Variants in CSMD1 observed in about 807,000 individuals in gnomAD.
CSMD1 encodes the protein CUB and sushi domain-containing protein 1.
A neutral mutation model predicts 417.5 loss-of-function variants in CSMD1; 213 were observed. That is an observed-to-expected ratio of 0.51 (90% CI 0.46 to 0.57). The LOEUF is 0.57. Among genes scored for constraint, CSMD1 ranks in the 20% least tolerant of loss-of-function variants. The probability of loss-of-function intolerance (pLI) is 0.00; values close to 1 mark genes in which losing one functional copy is unlikely to be tolerated. For synonymous variants in CSMD1, 2,862 were observed against 1,736.8 expected (o/e 1.65, Z -16.11); for missense variants, 6,923 against 4,529.7 (o/e 1.53, Z -15.17).
chr8:3,182,648 A>G (rs1585580431), intron 36 of CSMD1, among the ~76,000 whole-genome samples: 22 of 46,774 alleles, frequency 4.7e-4, no homozygotes, highest in South Asian at 6.9e-4. Flanking sequence ...TTAGTAGAGA[A>G]GGGGGACTCT....
intron 2 of CSMD1, among the ~76,000 whole-genome samples, chr8:4,452,903 G>A (rs575140740): frequency 1.8e-4 from 28 of 152,292 alleles, no homozygotes; most frequent in African/African-American, 6.3e-4. Context: ...GAGAAGCAAC[G>A]ATGGGCACAG....
chr8:4,819,190 T>G (rs1196402409), intron 1 of CSMD1, among the ~76,000 whole-genome samples: 1 of 152,166 alleles, frequency 6.6e-6, no homozygotes, highest in Non-Finnish European at 1.5e-5. Flanking sequence ...CACATTCAAT[T>G]TTTTTGACAG....
At chr8:3,521,033 T>C (rs1438063086) in intron 10 of CSMD1, among the ~76,000 whole-genome samples, 2 of 152,166 alleles carry the variant, frequency 1.3e-5, no homozygotes, top group Non-Finnish European at 2.9e-5. Context: ...TCTTCACCTG[T>C]CACCCCTAGA....
intron 37 of CSMD1, among the ~76,000 whole-genome samples, chr8:3,164,727 T>TGAC (rs532398414): frequency 5.6e-4 from 85 of 152,238 alleles, no homozygotes; most frequent in African/African-American, 1.9e-3. Context: ...ACACACCAGG[T>TGAC]GACACAGAAC....
chr8:4,898,591 T>C (rs1166230427), intron 1 of CSMD1, among the ~76,000 whole-genome samples: 1 of 152,214 alleles, frequency 6.6e-6, no homozygotes, highest in Non-Finnish European at 1.5e-5. Flanking sequence ...ATCCTAGTTC[T>C]TTGAATGGCT....
chr8:3,168,630 AT>A (rs2129042876), intron 37 of CSMD1, among the ~76,000 whole-genome samples: 1 of 101,526 alleles, frequency 9.8e-6, no homozygotes, highest in African/African-American at 4.5e-5. Context: ...GTAAGTCTTC[AT>A]CACACACACA....
chr8:3,162,227 T>G lies in CSMD1; in HGVS notation c.5776A>C (p.Lys1926Gln). 3.7e-6 allele frequency: 6 copies of G among 1,611,726 alleles called. No homozygotes were observed. The highest frequency in any genetic ancestry group is 5.1e-6 in the Non-Finnish European group (6 of 1,179,012). Residue 1926 changes from lysine (K) to glutamine (Q), a missense_variant, in exon 38 of 70, where the codon AAA becomes CAA. Coordinates refer to ENST00000635120, the MANE Select transcript of CSMD1 (RefSeq NM_033225.6). Reference sequence around the variant, plus strand: ...TTCACCATGTACCGATCTCCGATTTTGATGCTGTTGCTGGGGAGGGCTGGT... The same window carrying G: ...TTCACCATGTACCGATCTCCGATTTGGATGCTGTTGCTGGGGAGGGCTGGT... The part of the protein sequence containing the change: ...QEPALPSNSI[K>Q]IGDRYMVNDV...
In CSMD1 at chr8:4,614,343, A is replaced by T. The variant is rs117616200; in HGVS notation, c.302+22999T>A. Among the ~76,000 whole-genome samples the T allele has an allele frequency of 1.4e-4, 22 of 152,244 alleles. No homozygotes were observed. The East Asian group carries it at 4.1e-3, about 28-fold the overall frequency. ...ATCCTGTCTTGAAGGTAGCACTCCC[A>T]CCATTACCTCCATGGCTTGTCTAGT... On this transcript the variant is annotated intron_variant, in intron 2 of 69. Transcript: ENST00000635120.
intron 68 of CSMD1, among the ~76,000 whole-genome samples, chr8:2,944,300 G>A (rs1218095468): frequency 6.6e-6 from 1 of 152,178 alleles, no homozygotes; most frequent in Non-Finnish European, 1.5e-5. Context: ...TTCCATGGCT[G>A]AAGGGGTTCT....
chr8:3,957,007 C>T (rs1003072264), intron 5 of CSMD1, among the ~76,000 whole-genome samples: 19 of 151,886 alleles, frequency 1.3e-4, no homozygotes, highest in African/African-American at 2.7e-4. Flanking sequence ...ATGAAACCCA[C>T]ATGGAAGTAG....
At chr8:4,770,374 T>C (rs1333987910) in intron 1 of CSMD1, among the ~76,000 whole-genome samples, 1 of 148,778 alleles carries the variant, frequency 6.7e-6, no homozygotes, top group Non-Finnish European at 1.5e-5. Context: ...TATATATATG[T>C]AGTACGTAAT....
intron 10 of CSMD1, among the ~76,000 whole-genome samples, chr8:3,551,883 C>G (rs1032991701): frequency 6.6e-6 from 1 of 152,078 alleles, no homozygotes; most frequent in African/African-American, 2.4e-5. Context: ...TTAATGTGAT[C>G]ATGCTGAGTG....
At chr8:4,055,573 A>C (rs1257050219) in intron 3 of CSMD1, among the ~76,000 whole-genome samples, 2 of 146,992 alleles carry the variant, frequency 1.4e-5, no homozygotes, top group African/African-American at 5.4e-5. Flanking sequence ...AAGAAGAGTC[A>C]AAATCAGCTA....
Position 4,032,112 on chromosome 8 carries a change from G to C in CSMD1, c.416-13C>G, listed in dbSNP as rs190192421. On this transcript the variant is annotated splice_polypyrimidine_tract_variant and intron_variant, in intron 3 of 69. Coordinates refer to ENST00000635120, the MANE Select transcript of CSMD1 (RefSeq NM_033225.6). Reference sequence around the variant, plus strand: ...TGGCTAGGTAAAACTATTGGAAAAAGAAAAGAAAGGAGAAAAAACAAGTTA... The same window carrying C: ...TGGCTAGGTAAAACTATTGGAAAAACAAAAGAAAGGAGAAAAAACAAGTTA... The C allele has an allele frequency of 2.7e-4, 429 of 1,574,504 alleles. 1 individual carries two copies. Among genetic ancestry groups the C allele is most frequent in the Non-Finnish European group, 3.4e-4 (393 of 1,154,030 alleles).
At chr8:3,164,041 G>A (rs1010733398) in intron 37 of CSMD1, among the ~76,000 whole-genome samples, 1 of 152,196 alleles carries the variant, frequency 6.6e-6, no homozygotes, top group African/African-American at 2.4e-5. Flanking sequence ...CAGATCTGCT[G>A]AGTCGGAGGC....
At chr8:4,396,798 T>C (rs576540916) in intron 3 of CSMD1, among the ~76,000 whole-genome samples, 2 of 152,226 alleles carry the variant, frequency 1.3e-5, no homozygotes, top group African/African-American at 4.8e-5. Flanking sequence ...AAACATCGTA[T>C]GTTCTCACTT....
chr8:4,174,315 G>T lies in CSMD1; in HGVS notation c.416-142216C>A, dbSNP rs1026470668. On this transcript the variant is annotated intron_variant, in intron 3 of 69. Transcript: ENST00000635120. Reference sequence around the variant, plus strand: ...CATTTTTAAAGGTCATCCACTACATGACCTAGGTATTATTCCCGTTTTACA... The same window carrying T: ...CATTTTTAAAGGTCATCCACTACATTACCTAGGTATTATTCCCGTTTTACA... Among the ~76,000 whole-genome samples the T allele has an allele frequency of 2.1e-4, 32 of 152,248 alleles. 1 individual carries two copies. Among genetic ancestry groups the T allele is most frequent in the African/African-American group, 6.7e-4 (28 of 41,532 alleles).
intron 1 of CSMD1, among the ~76,000 whole-genome samples, chr8:4,801,401 C>A (rs536049005): frequency 1.7e-4 from 26 of 152,028 alleles, no homozygotes; most frequent in Admixed American, 1.4e-3. Context: ...GACACCCTCT[C>A]CCCGTGGGTT....
At chr8:3,869,888 T>A (rs1052111463) in intron 5 of CSMD1, among the ~76,000 whole-genome samples, 1 of 151,848 alleles carries the variant, frequency 6.6e-6, no homozygotes, top group Non-Finnish European at 1.5e-5. Flanking sequence ...GTATCAGTAG[T>A]GCTTGAAGGG....
Sources: allele counts gnomAD v4.1 joint callset (sites outside exome capture counted in the v4.1 genomes callset), GRCh38; gene constraint gnomAD v4.1.1; transcripts MANE v1.5; gene names NCBI Gene and HGNC (gene_info 2026-07-23, HGNC 2026-07-21).